Variants in CACNA2D4 observed in about 807,000 individuals in gnomAD.
CACNA2D4 encodes the protein voltage-dependent calcium channel subunit alpha-2/delta-4.
In CACNA2D4, 157 loss-of-function variants were observed where a neutral mutation model predicts 163.8. The ratio of observed to expected loss-of-function variants is 0.96; its 90% confidence interval spans 0.84 to 1.09. The LOEUF is 1.09. Ranked by LOEUF, CACNA2D4 falls within the 50% of genes least tolerant of loss-of-function variation. The probability of loss-of-function intolerance (pLI) is 0.00; values close to 1 mark genes in which losing one functional copy is unlikely to be tolerated. For missense variants in CACNA2D4, 1,410 were observed against 1,479.9 expected (o/e 0.95, Z 0.78); for synonymous variants, 598 against 586.9 (o/e 1.02, Z -0.27).
At position 1,795,133 on chromosome 12, in the gene CACNA2D4, T is replaced by C. The variant is rs1485684721; in HGVS notation, c.3309+166A>G. ...CTAAATAAAGATCTGTTTCTTATTA[T>C]ATCACAGTGTCACAGGGCATAAACG... On this transcript the variant is annotated intron_variant, in intron 37 of 37. Transcript: ENST00000382722. 79 of 612,782 alleles carry C rather than the reference T, an allele frequency of 1.3e-4. 1 individual carries two copies. The Admixed American group carries it at 2.2e-3, about 17-fold the overall frequency. The allele number at this position is 612,782 out of a possible 1,614,324, so 38.0% of individuals were successfully genotyped here.
At chr12:1,855,099 G>T (rs1865370310) in intron 22 of CACNA2D4, among the ~76,000 whole-genome samples, 2 of 152,078 alleles carry the variant, frequency 1.3e-5, no homozygotes, top group South Asian at 4.1e-4. Flanking sequence ...TCCTGTTCAT[G>T]GCGCTTATCA....
intron 16 of CACNA2D4, among the ~76,000 whole-genome samples, chr12:1,876,002 C>T (rs1865872976): frequency 6.6e-6 from 1 of 152,206 alleles, no homozygotes; most frequent in African/African-American, 2.4e-5. Flanking sequence ...ACTGACCTGG[C>T]AGTTCAGGCG....
At chr12:1,896,045 T>C (rs986425307) in intron 6 of CACNA2D4, among the ~76,000 whole-genome samples, 22 of 152,126 alleles carry the variant, frequency 1.4e-4, no homozygotes, top group African/African-American at 5.1e-4. Flanking sequence ...TGCAGAAGAA[T>C]AAAACTGGAT....
At chr12:1,886,102 CA>C (rs1866136625) in intron 8 of CACNA2D4, 63 bp from the exon 9 acceptor site, 1 of 1,547,714 alleles carries the variant, frequency 6.5e-7, no homozygotes, top group African/African-American at 1.4e-5. Flanking sequence ...TTGCAAAGTC[CA>C]GGCCCAGCAA....
intron 4 of CACNA2D4, among the ~76,000 whole-genome samples, chr12:1,909,698 C>T (rs974612621): frequency 6.6e-6 from 1 of 152,202 alleles, no homozygotes; most frequent in Non-Finnish European, 1.5e-5. Context: ...TGCTTTATAC[C>T]GGAGTTATTT....
chr12:1,795,497 G>T, intron 36 of CACNA2D4, 116 bp from the exon 37 acceptor site: 1 of 1,081,544 alleles, frequency 9.2e-7, no homozygotes, highest in Non-Finnish European at 1.4e-6. Context: ...GCAGCTTTAG[G>T]GTCAGGAGGC....
rs746885379 is a variant in CACNA2D4 at position 1,831,069 on chromosome 12, G to A, written c.2551+9670C>T. The A allele has an allele frequency of 3.5e-5, 57 of 1,613,856 alleles. No individual in the cohort carries two copies. Among genetic ancestry groups the A allele is most frequent in the South Asian group, 1.9e-4 (17 of 91,094 alleles). ...CACCACGGTGCCCCCAGACGTGCCC[G>A]CAGCCACCCGAACCCTCTTGCTCTT... On this transcript the variant is annotated intron_variant, in intron 26 of 37. Coordinates refer to ENST00000382722, the MANE Select transcript of CACNA2D4 (RefSeq NM_172364.5).
intron 26 of CACNA2D4, among the ~76,000 whole-genome samples, chr12:1,824,500 C>A (rs1161680609): frequency 6.6e-6 from 1 of 152,178 alleles, no homozygotes; most frequent in Non-Finnish European, 1.5e-5. Context: ...GCCAGGGACT[C>A]CGTGGAGGCC....
At chr12:1,873,075 G>C (rs114953215) in intron 18 of CACNA2D4, among the ~76,000 whole-genome samples, 187 of 152,242 alleles carry the variant, frequency 1.2e-3, no homozygotes, top group African/African-American at 4.4e-3. Flanking sequence ...CTGTCAAATG[G>C]GGATAGGATA....
chr12:1,819,726 A>G, intron 26 of CACNA2D4, among the ~76,000 whole-genome samples: 1 of 152,126 alleles, frequency 6.6e-6, no homozygotes, highest in East Asian at 1.9e-4. Flanking sequence ...AGAGGCCTCC[A>G]AGTTCTTGAA....
chr12:1,825,164 G>A (rs1324669108), intron 26 of CACNA2D4, among the ~76,000 whole-genome samples: 2 of 152,224 alleles, frequency 1.3e-5, no homozygotes, highest in African/African-American at 4.8e-5. Flanking sequence ...CTCCAGACCT[G>A]CACAAGAGGC....
chr12:1,831,517 C>A, intron 26 of CACNA2D4: 1 of 1,612,044 alleles, frequency 6.2e-7, no homozygotes, highest in South Asian at 1.1e-5. Context: ...GAGTGGTTCT[C>A]CTACCGAGGT....
intron 4 of CACNA2D4, among the ~76,000 whole-genome samples, chr12:1,909,184 T>G (rs915598591): frequency 7.3e-6 from 1 of 137,672 alleles, no homozygotes; most frequent in Non-Finnish European, 1.5e-5. Context: ...GTTTGTTTAT[T>G]TATTTGTTTA....
At chr12:1,908,591 C>A (rs1052508835) in intron 4 of CACNA2D4, among the ~76,000 whole-genome samples, 1 of 152,148 alleles carries the variant, frequency 6.6e-6, no homozygotes, top group African/African-American at 2.4e-5. Context: ...GGGTTCACAC[C>A]TGAACACCCC....
Position 1,885,028 on chromosome 12 carries a change from C to G in CACNA2D4, c.1117G>C (p.Val373Leu), listed in dbSNP as rs377642699. 5 of 1,613,938 alleles carry G rather than the reference C, an allele frequency of 3.1e-6. No homozygotes were observed. Among genetic ancestry groups the G allele is most frequent in the Non-Finnish European group, 4.2e-6 (5 of 1,179,852 alleles). The change falls in exon 10 of 38, where the codon GTG becomes CTG. Residue 373 changes from valine (V) to leucine (L), a missense_variant. By Grantham distance (32) the Val-to-Leu change is conservative (BLOSUM62 1). Transcript: ENST00000382722. ...AAGGCTTCTCTCAGGGCTTGGTCCA[C>G]GACCCCCACACCTTTGACCATCAAC... Reference protein sequence around the residue: ...EELMVKGVGVVDQALREAFQI... With the variant: ...EELMVKGVGVLDQALREAFQI...
chr12:1,815,193 C>G (rs974650548), intron 26 of CACNA2D4, among the ~76,000 whole-genome samples: 33 of 152,306 alleles, frequency 2.2e-4, no homozygotes, highest in African/African-American at 7.5e-4. Flanking sequence ...TGCCTGGTCC[C>G]CATTGATCTT....
intron 18 of CACNA2D4, among the ~76,000 whole-genome samples, chr12:1,864,164 G>A (rs1336071803): frequency 6.6e-6 from 1 of 152,188 alleles, no homozygotes; most frequent in African/African-American, 2.4e-5. Context: ...TCATGAGCAT[G>A]TCAGCCTAAC....
intron 26 of CACNA2D4, among the ~76,000 whole-genome samples, chr12:1,812,936 G>C (rs1441182844): frequency 6.6e-6 from 1 of 152,162 alleles, no homozygotes; most frequent in Non-Finnish European, 1.5e-5. Context: ...GTACCCAGTT[G>C]GTGGGAGTTC....
intron 3 of CACNA2D4, among the ~76,000 whole-genome samples, chr12:1,912,034 A>G (rs1329709049): frequency 6.6e-6 from 1 of 152,178 alleles, no homozygotes; most frequent in African/African-American, 2.4e-5. Context: ...CAAGTGGGAA[A>G]GAAGGCCCCA....
Sources: gnomAD v4.1 joint callset for allele counts (sites outside exome capture counted in the v4.1 genomes callset) on GRCh38, gnomAD v4.1.1 for gene constraint, MANE v1.5 for transcripts, NCBI Gene and HGNC (gene_info 2026-07-23, HGNC 2026-07-21) for gene names.